The following WDR7 variants were observed in gnomAD, a reference collection of about 807,000 sequenced individuals.
WDR7 encodes the protein WD repeat domain 7.
Under a neutral mutation model 169.4 loss-of-function variants are expected in WDR7, and 46 were observed. That is an observed-to-expected ratio of 0.27 (90% confidence interval 0.21 to 0.35). WDR7 has a LOEUF of 0.35. WDR7 is among the 10% of genes least tolerant of loss of function. The pLI, the probability that WDR7 is intolerant of heterozygous loss-of-function variation, is 1.00. For missense variants in WDR7, 1,534 were observed against 1,859.3 expected (o/e 0.83, Z 3.22); for synonymous variants, 612 against 666.8 (o/e 0.92, Z 1.27).
At chr18:56,755,501 G>C (rs567864102) in intron 14 of WDR7, among the ~76,000 whole-genome samples, 7 of 152,288 alleles carry the variant, frequency 4.6e-5, no homozygotes, top group Admixed American at 3.3e-4. Flanking sequence ...AATTTCTGTC[G>C]TGACAGCGGG....
At chr18:56,655,097 T>C (rs961955749) in intron 1 of WDR7, among the ~76,000 whole-genome samples, 2 of 152,248 alleles carry the variant, frequency 1.3e-5, no homozygotes, top group South Asian at 4.1e-4. Context: ...GTTTTAACTT[T>C]ATTTTGATAT....
chr18:56,981,542 G>A (rs919735059), intron 26 of WDR7, among the ~76,000 whole-genome samples: 1 of 152,236 alleles, frequency 6.6e-6, no homozygotes, highest in Admixed American at 6.5e-5. Flanking sequence ...AGTGTTTAGA[G>A]ATAAGATGGA....
chr18:56,915,705 G>C (rs990907126), intron 21 of WDR7, among the ~76,000 whole-genome samples: 6 of 152,122 alleles, frequency 3.9e-5, no homozygotes, highest in African/African-American at 1.4e-4. Flanking sequence ...TTATCCCTCA[G>C]GGGTGTTTGA....
intron 26 of WDR7, among the ~76,000 whole-genome samples, chr18:57,019,197 T>C (rs1198557732): frequency 1.3e-5 from 2 of 152,168 alleles, no homozygotes; most frequent in Non-Finnish European, 2.9e-5. Context: ...TATGACTGTT[T>C]ATATGTGTCT....
At chr18:56,732,764 T>C (rs1027563344) in intron 14 of WDR7, among the ~76,000 whole-genome samples, 7 of 152,132 alleles carry the variant, frequency 4.6e-5, no homozygotes, top group African/African-American at 1.7e-4. Flanking sequence ...GCATTGGCCA[T>C]ACCTTCAGTT....
intron 20 of WDR7, among the ~76,000 whole-genome samples, chr18:56,837,668 C>CT (rs574187154): frequency 2.6e-5 from 4 of 151,868 alleles, no homozygotes; most frequent in East Asian, 1.9e-4. Context: ...ATGTGTTTTT[C>CT]TTTTTTTTGA....
intron 21 of WDR7, among the ~76,000 whole-genome samples, chr18:56,922,188 A>G (rs1384022982): frequency 6.6e-6 from 1 of 152,176 alleles, no homozygotes; most frequent in Non-Finnish European, 1.5e-5. Context: ...TATCATTCTG[A>G]CAAACTGGGG....
In WDR7 at chr18:56,880,143, C is replaced by T. The variant is rs1391422216; in HGVS notation, c.3504C>T (p.Asn1168=). The T allele has an allele frequency of 6.2e-7, 1 of 1,614,010 alleles. No individual in the cohort carries two copies. Among genetic ancestry groups the T allele is most frequent in the Non-Finnish European group, 8.5e-7 (1 of 1,179,932 alleles). Residue 1168 remains asparagine (N), a synonymous_variant, in exon 21 of 28, where the codon AAC becomes AAT. Transcript: ENST00000254442. ...EGFGLTSGGS[N]YSLARHTCKA... ...TCGGGTTGACTAGTGGTGGATCCAA[C>T]TACTCGCTGGCCAGACATACTTGTA...
chr18:57,033,175 G>T (rs1341952701), downstream of WDR7: 1 of 152,126 alleles, frequency 6.6e-6, no homozygotes, highest in Non-Finnish European at 1.5e-5. Context: ...TGGAATAAGT[G>T]CTGAGACCCG....
At chr18:56,853,834 A>T (rs2045677354) in intron 20 of WDR7, among the ~76,000 whole-genome samples, 1 of 152,220 alleles carries the variant, frequency 6.6e-6, no homozygotes, top group South Asian at 2.1e-4. Flanking sequence ...TCTTCCTCTT[A>T]ACATTGTATT....
chr18:56,931,852 C>G (rs1473374696), intron 22 of WDR7, among the ~76,000 whole-genome samples: 3 of 152,002 alleles, frequency 2.0e-5, no homozygotes, highest in Non-Finnish European at 4.4e-5. Flanking sequence ...AGGAACAGAC[C>G]TTTAGGGACC....
intron 5 of WDR7, 144 bp downstream of exon 5, chr18:56,682,997 T>C: frequency 1.1e-6 from 1 of 903,438 alleles, no homozygotes; most frequent in Non-Finnish European, 1.6e-6. Flanking sequence ...TTATGGTCTG[T>C]TTCTTCCTTC....
At chr18:56,854,632 CTTATCTG>C (rs150909590) in intron 20 of WDR7, among the ~76,000 whole-genome samples, 2,124 of 152,308 alleles carry the variant, frequency 0.014, 26 homozygotes, top group East Asian at 0.035. Flanking sequence ...CCCAGTAAGC[CTTATCTG>C]TTCAGATCTT....
intron 13 of WDR7, among the ~76,000 whole-genome samples, chr18:56,725,827 T>A (rs1176115995): frequency 1.3e-5 from 2 of 152,204 alleles, no homozygotes; most frequent in East Asian, 3.8e-4. Flanking sequence ...GAATTAATTT[T>A]TGTATAAGGT....
intron 21 of WDR7, among the ~76,000 whole-genome samples, chr18:56,887,502 G>A (rs2046213041): frequency 6.6e-6 from 1 of 152,168 alleles, no homozygotes; most frequent in East Asian, 1.9e-4. Flanking sequence ...AAGGAATAGT[G>A]TATCAGAATG....
At chr18:56,739,406 G>T (rs557851659) in intron 14 of WDR7, among the ~76,000 whole-genome samples, 8 of 151,856 alleles carry the variant, frequency 5.3e-5, no homozygotes, top group Non-Finnish European at 8.8e-5. Context: ...AACTCCATTT[G>T]CCCCCCCTTC....
intron 26 of WDR7, among the ~76,000 whole-genome samples, chr18:56,975,335 C>T (rs2145814409): frequency 6.6e-6 from 1 of 152,202 alleles, no homozygotes; most frequent in East Asian, 1.9e-4. Flanking sequence ...GATGAAGCAT[C>T]AGCAGAAGCA....
intron 5 of WDR7, among the ~76,000 whole-genome samples, chr18:56,684,560 T>C (rs1429474623): frequency 6.6e-6 from 1 of 152,178 alleles, no homozygotes; most frequent in Non-Finnish European, 1.5e-5. Flanking sequence ...ATGGGCAGTC[T>C]CTGAAGGGAC....
chr18:56,700,561 G>GTGTC lies in WDR7; in HGVS notation c.1578+4100_1578+4101insGTCT, dbSNP rs1409253621. Among the ~76,000 whole-genome samples the GTGTC allele has an allele frequency of 3.8e-3, 166 of 43,596 alleles. 8 individuals carry two copies. In the East Asian group the frequency reaches 0.062, roughly 16 times the overall value. 28.6% of individuals were successfully genotyped at this position (43,596 alleles called of 152,430 possible). A position where few individuals can be genotyped will look rare whatever the true frequency, so the allele number is the denominator to read the frequency against. On this transcript the variant is annotated intron_variant, in intron 12 of 27. Transcript: ENST00000254442. The stretch of plus-strand genomic sequence containing the variant: ...TGAGCCACTGCGCCTGGCCAATATT[G>GTGTC]TTTCTTTTTTTTTTTTTTTTTTTTT...
Sources: allele counts gnomAD v4.1 joint callset (sites outside exome capture counted in the v4.1 genomes callset), GRCh38; gene constraint gnomAD v4.1.1; transcripts MANE v1.5; gene names NCBI Gene and HGNC (gene_info 2026-07-23, HGNC 2026-07-21).